Variants in FTO observed in about 807,000 individuals in gnomAD.
FTO encodes FTO alpha-ketoglutarate dependent dioxygenase, also known as alpha-ketoglutarate-dependent dioxygenase FTO.
Under a neutral mutation model 63.9 loss-of-function variants are expected in FTO, and 47 were observed. That is an observed-to-expected ratio of 0.74 (90% confidence interval 0.58 to 0.94). The LOEUF is 0.94. FTO is among the 40% of genes least tolerant of loss of function. The pLI is 0.00. For missense variants in FTO, 562 were observed against 618.1 expected, an observed-to-expected ratio of 0.91 and a Z score of 0.96; for synonymous variants, 207 against 224.4, an observed-to-expected ratio of 0.92 and a Z score of 0.69.
chr16:53,816,528 G>A, intron 2 of FTO, among the ~76,000 whole-genome samples: 1 of 143,966 alleles, frequency 6.9e-6, no homozygotes, highest in African/African-American at 2.6e-5. Context: ...TTCCTATTCT[G>A]GCACTTTACT....
At chr16:53,975,893 G>A (rs1214703687) in intron 8 of FTO, among the ~76,000 whole-genome samples, 1 of 152,018 alleles carries the variant, frequency 6.6e-6, no homozygotes, top group East Asian at 1.9e-4. Flanking sequence ...CTATGAGTAG[G>A]TGCTATTATT....
chr16:53,853,307 G>GA (rs1465159559), intron 4 of FTO, among the ~76,000 whole-genome samples: 7 of 151,014 alleles, frequency 4.6e-5, no homozygotes, highest in South Asian at 2.1e-4. Context: ...TTTGTCTCAA[G>GA]AAAAAAAAAT....
chr16:53,852,835 C>T (rs970310347), intron 4 of FTO, among the ~76,000 whole-genome samples: 3 of 151,890 alleles, frequency 2.0e-5, no homozygotes, highest in Admixed American at 2.0e-4. Context: ...TTTTTTTACT[C>T]TTACTGATAG....
chr16:53,889,152 T>G (rs79750620), intron 7 of FTO, among the ~76,000 whole-genome samples: 1 of 152,218 alleles, frequency 6.6e-6, no homozygotes, highest in African/African-American at 2.4e-5. Flanking sequence ...GAGTATTTTC[T>G]CCTCATAGGG....
chr16:54,039,044 G>A (rs1218371558), intron 8 of FTO, among the ~76,000 whole-genome samples: 1 of 152,172 alleles, frequency 6.6e-6, no homozygotes, highest in East Asian at 1.9e-4. Flanking sequence ...GAGGTGGGCG[G>A]CCTCCTGTTA....
chr16:53,859,686 T>C (rs1005136309), intron 4 of FTO, among the ~76,000 whole-genome samples: 1 of 152,046 alleles, frequency 6.6e-6, no homozygotes, highest in Non-Finnish European at 1.5e-5. Flanking sequence ...TATATGAAAA[T>C]GTGCTCAACA....
chr16:54,051,293 G>A (rs1468077457), intron 8 of FTO, among the ~76,000 whole-genome samples: 2 of 152,180 alleles, frequency 1.3e-5, no homozygotes, highest in East Asian at 1.9e-4. Flanking sequence ...TAAACAGGCC[G>A]ATCCTCCACT....
intron 8 of FTO, among the ~76,000 whole-genome samples, chr16:54,036,953 TTG>T (rs1476087117): frequency 8.5e-5 from 13 of 152,206 alleles, no homozygotes; most frequent in African/African-American, 3.1e-4. Context: ...GATTAGAAAG[TTG>T]TCAGTCTTTG....
At chr16:53,945,259 A>AT (rs1326347111) in intron 8 of FTO, among the ~76,000 whole-genome samples, 1 of 152,218 alleles carries the variant, frequency 6.6e-6, no homozygotes, top group East Asian at 1.9e-4. Context: ...TGAAGTCTGC[A>AT]ATTGTACTAA....
At chr16:54,085,403 G>T (rs1197254905) in intron 8 of FTO, among the ~76,000 whole-genome samples, 1 of 152,116 alleles carries the variant, frequency 6.6e-6, no homozygotes, top group Non-Finnish European at 1.5e-5. Flanking sequence ...TATTAGCATG[G>T]TTTACCTGTA....
At chr16:53,889,053 A>T in intron 7 of FTO, 102 bp downstream of exon 7, 8 of 1,328,674 alleles carry the variant, frequency 6.0e-6, no homozygotes, top group Non-Finnish European at 8.7e-6. Flanking sequence ...ATTATTCCTA[A>T]TTATCAAGTT....
intron 8 of FTO, among the ~76,000 whole-genome samples, chr16:54,011,620 T>G (rs1419390457): frequency 1.3e-5 from 2 of 152,230 alleles, no homozygotes; most frequent in African/African-American, 4.8e-5. Flanking sequence ...TGCCATTTTT[T>G]CAACAACATG....
intron 2 of FTO, among the ~76,000 whole-genome samples, chr16:53,813,611 G>T (rs1467721804): frequency 6.6e-6 from 1 of 152,160 alleles, no homozygotes; most frequent in Non-Finnish European, 1.5e-5. Context: ...TTAATGACAT[G>T]AGTAAATAGA....
intron 1 of FTO, among the ~76,000 whole-genome samples, chr16:53,759,291 A>G (rs1039976384): frequency 2.6e-5 from 4 of 152,226 alleles, no homozygotes; most frequent in African/African-American, 9.6e-5. Context: ...AGCAATGGAA[A>G]ATAAGAAAGG....
chr16:53,813,490 G>A (rs2078591368), intron 2 of FTO, among the ~76,000 whole-genome samples: 1 of 152,172 alleles, frequency 6.6e-6, no homozygotes, highest in African/African-American at 2.4e-5. Flanking sequence ...GGGATTAGAG[G>A]TGTGAGCCAC....
intron 4 of FTO, among the ~76,000 whole-genome samples, chr16:53,869,243 C>A (rs1042534731): frequency 6.6e-6 from 1 of 152,022 alleles, no homozygotes; most frequent in Non-Finnish European, 1.5e-5. Flanking sequence ...TATTGCTTGC[C>A]TCGTTTCTGA....
At chr16:54,040,728 G>C (rs758962148) in intron 8 of FTO, 1 of 152,188 alleles carries the variant, frequency 6.6e-6, no homozygotes, top group Non-Finnish European at 1.5e-5. Context: ...GCTTAATGTC[G>C]TGGAGAAACA....
rs1555483820 is a variant in FTO at position 53,843,829 on chromosome 16, T to TA, written c.752-324dup. 3.3e-5 allele frequency among the ~76,000 whole-genome samples: 5 copies of TA among 151,420 alleles called. No individual in the cohort carries two copies. The East Asian group carries it at 7.8e-4, about 24-fold the overall frequency. On this transcript the variant is annotated intron_variant, in intron 3 of 8. Transcript: ENST00000471389. Reference sequence around the variant, plus strand: ...ATTTTTAAAAAGTAATTTTTTTTTTTAATAGAGATGGGGGTCTTGATTTCT... The same window carrying TA: ...ATTTTTAAAAAGTAATTTTTTTTTTTAAATAGAGATGGGGGTCTTGATTTCT...
rs146194399 is a variant in FTO, at chr16:53,901,586, T to G, written c.1239+12635T>G. On this transcript the variant is annotated intron_variant, in intron 7 of 8. Coordinates refer to ENST00000471389, the MANE Select transcript of FTO (RefSeq NM_001080432.3). ...TACCTCTCCACTCCTTGGCTAACAG[T>G]CCCACATTAGTGATTGTGCACTCTC... Among the ~76,000 whole-genome samples the G allele has an allele frequency of 9.2e-5, 14 of 152,292 alleles. No individual in the cohort carries two copies. In the East Asian group the frequency reaches 2.7e-3, roughly 29 times the overall value.
Sources: gnomAD v4.1 joint callset for allele counts (sites outside exome capture counted in the v4.1 genomes callset) on GRCh38, gnomAD v4.1.1 for gene constraint, MANE v1.5 for transcripts, NCBI Gene and HGNC (gene_info 2026-07-23, HGNC 2026-07-21) for gene names.